ARFGAP3: variants seen among roughly 807,000 people sequenced by gnomAD.
The protein encoded by ARFGAP3 is ADP-ribosylation factor GTPase-activating protein 3.
In ARFGAP3, 72 loss-of-function variants were observed where a neutral mutation model predicts 75.0. The ratio of observed to expected loss-of-function variants is 0.96; its 90% CI spans 0.79 to 1.17. The LOEUF (loss-of-function observed/expected upper bound fraction) is 1.17, where lower values mean the gene tolerates loss of function less well. Among genes scored for constraint, ARFGAP3 ranks in the 50% most tolerant of loss-of-function variants. ARFGAP3 has a pLI of 0.00. For synonymous variants in ARFGAP3, 221 were observed against 217.9 expected (o/e 1.01, Z -0.13); for missense variants, 620 against 626.6 (o/e 0.99, Z 0.11).
At chr22:42,823,089 C>T (rs945805979) in intron 8 of ARFGAP3, among the ~76,000 whole-genome samples, 4 of 152,068 alleles carry the variant, frequency 2.6e-5, no homozygotes, top group South Asian at 2.1e-4. Flanking sequence ...GGATTACAGG[C>T]GTGAGTCACT....
At chr22:42,800,383 T>C (rs1924802431) in intron 14 of ARFGAP3, among the ~76,000 whole-genome samples, 1 of 151,978 alleles carries the variant, frequency 6.6e-6, no homozygotes, top group African/African-American at 2.4e-5. Context: ...TACAAAAAAT[T>C]AGCTGGGCAT....
chr22:42,827,063 A>C, intron 6 of ARFGAP3, 64 bp from the exon 7 acceptor site: 1 of 1,585,536 alleles, frequency 6.3e-7, no homozygotes, highest in East Asian at 2.3e-5. Flanking sequence ...TTTTGAATAT[A>C]TAATAATTCA....
intron 1 of ARFGAP3, among the ~76,000 whole-genome samples, chr22:42,851,159 G>A (rs574529853): frequency 5.5e-4 from 83 of 152,224 alleles, no homozygotes; most frequent in Non-Finnish European, 1.1e-3. Context: ...ACATACCAGC[G>A]TGGTTCAGGA....
At chr22:42,809,352 C>T (rs766893180) in intron 12 of ARFGAP3, among the ~76,000 whole-genome samples, 2 of 152,202 alleles carry the variant, frequency 1.3e-5, no homozygotes, top group Non-Finnish European at 1.5e-5. Context: ...AAACTGGAGA[C>T]AGCCCTTCAG....
chr22:42,831,432 A>C, intron 6 of ARFGAP3, 117 bp downstream of exon 6: 1 of 1,044,916 alleles, frequency 9.6e-7, no homozygotes, highest in South Asian at 1.7e-5. Flanking sequence ...TCAGCCTCGC[A>C]AAGTGCTGGG....
chr22:42,806,366 GC>G (rs915964705), intron 14 of ARFGAP3, among the ~76,000 whole-genome samples: 2 of 152,204 alleles, frequency 1.3e-5, no homozygotes, highest in Admixed American at 1.3e-4. Flanking sequence ...GCGCTCTGAG[GC>G]CCACCACTGG....
At chr22:42,813,166 G>T (rs1925441279) in intron 11 of ARFGAP3, among the ~76,000 whole-genome samples, 1 of 152,194 alleles carries the variant, frequency 6.6e-6, no homozygotes, top group East Asian at 1.9e-4. Context: ...CTCTGCTAGG[G>T]GAAGACAAAG....
At chr22:42,845,545 AAAC>A (rs941790194) in intron 2 of ARFGAP3, among the ~76,000 whole-genome samples, 3 of 149,288 alleles carry the variant, frequency 2.0e-5, no homozygotes, top group Admixed American at 6.7e-5. Context: ...AAAAAACCCA[AAAC>A]AACAACAACA....
intron 14 of ARFGAP3, among the ~76,000 whole-genome samples, chr22:42,804,390 T>A (rs1925024847): frequency 7.0e-6 from 1 of 143,044 alleles, no homozygotes; most frequent in South Asian, 2.3e-4. Flanking sequence ...TTTTTTTTTT[T>A]TTTTTTTTTT....
At position 42,832,981 on chromosome 22, in the gene ARFGAP3, C is replaced by T. The variant is rs1334801195; in HGVS notation, c.477+1261G>A. ...GCCTGGGAAACAAGAGGGAAAACTC[C>T]GTCTTTAAAAAAAAAAAAAAAGAAA... On this transcript the variant is annotated intron_variant, in intron 5 of 15. Coordinates refer to ENST00000263245, the MANE Select transcript of ARFGAP3 (RefSeq NM_014570.5). 2.0e-5 allele frequency among the ~76,000 whole-genome samples: 3 copies of T among 149,802 alleles called. No homozygotes were observed. In the East Asian group the frequency reaches 5.8e-4, roughly 29 times the overall value.
intron 2 of ARFGAP3, chr22:42,841,224 G>C (rs1164531333): frequency 2.6e-6 from 1 of 389,460 alleles, no homozygotes; most frequent in Non-Finnish European, 3.5e-6. Flanking sequence ...GTCCTTCCTG[G>C]AATGCAGGGC....
rs1386086547 is a variant in ARFGAP3, at chr22:42,857,265, C to T, written c.-83G>A. On this transcript the variant is annotated 5_prime_UTR_variant, in exon 1 of 16. Transcript: ENST00000263245. ...GCGGCTACCGCCTCAGCAGGAGCGA[C>T]GAGGCCGCGGGGGCGGGGCTGCGCG... The T allele has an allele frequency of 1.4e-6, 2 of 1,467,700 alleles. No individual in the cohort carries two copies. Among genetic ancestry groups the T allele is most frequent in the East Asian group, 3.0e-5 (1 of 33,080 alleles). 90.9% of individuals were successfully genotyped at this position (1,467,700 alleles called of 1,614,324 possible).
rs747534430 is a variant in ARFGAP3 at position 42,834,296 on chromosome 22, A to C, written c.423T>G (p.Pro141=). The C allele has an allele frequency of 6.2e-7, 1 of 1,613,800 alleles. No homozygotes were observed. The highest frequency in any genetic ancestry group is 8.5e-7 in the Non-Finnish European group (1 of 1,179,976). ...CTTCCTCCTTTGGTGGAGGGGACAA[A>C]GGTGGAACCACACAACTATCAAGCC... ...DLWLDSCVVP[P]LSPPPKEEDF... The change falls in exon 5 of 16, where the codon CCT becomes CCG. Residue 141 remains proline (P), a synonymous_variant. Transcript: ENST00000263245.
intron 6 of ARFGAP3, 167 bp from the exon 7 acceptor site, chr22:42,827,166 T>A: frequency 1.2e-6 from 1 of 840,730 alleles, no homozygotes; most frequent in Non-Finnish European, 1.4e-6. Flanking sequence ...AATTTTGACT[T>A]AAAAGTCCAT....
Position 42,855,177 on chromosome 22 carries a change from A to C in ARFGAP3, c.69+1937T>G, listed in dbSNP as rs375496605. Among the ~76,000 whole-genome samples, 9 of 152,366 alleles carry C rather than the reference A, an allele frequency of 5.9e-5. No individual in the cohort carries two copies. In the East Asian group the frequency reaches 1.7e-3, roughly 29 times the overall value. The stretch of plus-strand genomic sequence containing the variant: ...AAGGGTGACATACCTAGAAAGTAGC[A>C]GTTTGGACAATACAAGCCTGTCTCT... On this transcript the variant is annotated intron_variant, in intron 1 of 15. Transcript: ENST00000263245.
intron 1 of ARFGAP3, among the ~76,000 whole-genome samples, chr22:42,856,824 G>A (rs1423197697): frequency 2.1e-4 from 31 of 148,572 alleles, no homozygotes; most frequent in Admixed American, 1.3e-4. Context: ...CAGAGCCGCC[G>A]GTGCTCGCCC....
intron 6 of ARFGAP3, among the ~76,000 whole-genome samples, chr22:42,830,306 T>C (rs1926229241): frequency 6.6e-6 from 1 of 152,080 alleles, no homozygotes; most frequent in Admixed American, 6.6e-5. Context: ...CATTACAACA[T>C]GACTCCACTC....
At chr22:42,844,571 T>G (rs1602129554) in intron 2 of ARFGAP3, among the ~76,000 whole-genome samples, 1 of 139,034 alleles carries the variant, frequency 7.2e-6, no homozygotes, top group African/African-American at 2.7e-5. Flanking sequence ...GGGGATAGAG[T>G]GAGACTCTGT....
chr22:42,804,888 A>G (rs982836259), intron 14 of ARFGAP3, among the ~76,000 whole-genome samples: 5 of 151,642 alleles, frequency 3.3e-5, no homozygotes, highest in Non-Finnish European at 5.9e-5. Context: ...AAGACAAAAT[A>G]AAAGAAAAAA....
Sources: allele counts gnomAD v4.1 joint callset (sites outside exome capture counted in the v4.1 genomes callset), GRCh38; gene constraint gnomAD v4.1.1; transcripts MANE v1.5; gene names NCBI Gene and HGNC (gene_info 2026-07-23, HGNC 2026-07-21).